The following CCDC181 variants were observed in gnomAD, a reference collection of about 807,000 sequenced individuals.
The protein encoded by CCDC181 is coiled-coil domain containing 181, also known as coiled-coil domain-containing protein 181.
Under a neutral mutation model 58.7 loss-of-function variants are expected in CCDC181, and 35 were observed. The ratio of observed to expected loss-of-function variants is 0.60; its 90% CI spans 0.46 to 0.79. The LOEUF (loss-of-function observed/expected upper bound fraction) is 0.79, where lower values mean the gene tolerates loss of function less well. Among genes scored for constraint, CCDC181 ranks in the 30% least tolerant of loss-of-function variants. The pLI is 0.00. For synonymous variants in CCDC181, 183 were observed against 197.5 expected (o/e 0.93, Z 0.62); for missense variants, 517 against 583.9 (o/e 0.89, Z 1.18).
rs145705498 is a variant in CCDC181, at chr1:169,419,483, A to G, written c.1069-324T>C. Among the ~76,000 whole-genome samples, 45 of 152,302 alleles carry G rather than the reference A, an allele frequency of 3.0e-4. No homozygotes were observed. In the East Asian group the frequency reaches 8.1e-3, roughly 27 times the overall value. On this transcript the variant is annotated intron_variant, in intron 3 of 5. Transcript: ENST00000367806. ...AGTAAAATTTTCTTCAAATAATGGA[A>G]TTCTAAGTGTTTTCCTTACATTTTG...
chr1:169,404,006 A>G (rs925257808), intron 4 of CCDC181, among the ~76,000 whole-genome samples: 2 of 152,214 alleles, frequency 1.3e-5, no homozygotes, highest in Non-Finnish European at 2.9e-5. Context: ...CAGAAATACA[A>G]ACTACCATCA....
intron 2 of CCDC181, among the ~76,000 whole-genome samples, chr1:169,434,937 T>C (rs1264486245): frequency 6.6e-6 from 1 of 152,080 alleles, no homozygotes; most frequent in Non-Finnish European, 1.5e-5. Flanking sequence ...CAGAGCCTGT[T>C]AAGGCAGGGG....
At chr1:169,451,701 G>T (rs1422308418) in intron 2 of CCDC181, among the ~76,000 whole-genome samples, 1 of 146,980 alleles carries the variant, frequency 6.8e-6, no homozygotes, top group Non-Finnish European at 1.5e-5. Flanking sequence ...ACATCACAAA[G>T]AATTACACAA....
At chr1:169,440,267 C>T (rs770446185) in intron 2 of CCDC181, among the ~76,000 whole-genome samples, 30 of 152,344 alleles carry the variant, frequency 2.0e-4, no homozygotes, top group Non-Finnish European at 7.3e-5. Context: ...CTGGATCCAT[C>T]GCTGGAGGCG....
chr1:169,400,135 G>A (rs1318135075), intron 4 of CCDC181, among the ~76,000 whole-genome samples: 2 of 152,144 alleles, frequency 1.3e-5, no homozygotes, highest in African/African-American at 4.8e-5. Context: ...TGGAGACATT[G>A]GAGTTCCAAT....
At chr1:169,450,879 C>T (rs556974833) in intron 2 of CCDC181, among the ~76,000 whole-genome samples, 11 of 152,218 alleles carry the variant, frequency 7.2e-5, no homozygotes, top group Admixed American at 4.6e-4. Context: ...TTGCTTTTCC[C>T]GAATGACAAA....
At chr1:169,418,830 T>A in intron 4 of CCDC181, 183 bp downstream of exon 4, 1 of 522,688 alleles carries the variant, frequency 1.9e-6, no homozygotes, top group Non-Finnish European at 3.4e-6. Flanking sequence ...ATCATTTTAT[T>A]TTCACAAGAC....
intron 2 of CCDC181, among the ~76,000 whole-genome samples, chr1:169,458,169 A>ATT (rs1397141241): frequency 1.7e-4 from 19 of 110,136 alleles, no homozygotes; most frequent in East Asian, 7.8e-4. Flanking sequence ...GGCAAAAGTA[A>ATT]TTTTTGTTTT....
upstream of CCDC181, among the ~76,000 whole-genome samples, chr1:169,432,320 TAAAAG>T (rs968166272): frequency 6.6e-6 from 1 of 152,004 alleles, no homozygotes; most frequent in African/African-American, 2.4e-5. Context: ...ATTAAAAAGT[TAAAAG>T]TGAAGAGAGC....
chr1:169,402,180 T>C (rs1000905962), intron 4 of CCDC181, among the ~76,000 whole-genome samples: 8 of 152,150 alleles, frequency 5.3e-5, no homozygotes, highest in African/African-American at 1.7e-4. Context: ...CTACGTCTGA[T>C]TGGTGTACCT....
chr1:169,408,855 G>T lies in CCDC181; in HGVS notation c.1215+10158C>A, dbSNP rs1181858538. On this transcript the variant is annotated intron_variant, in intron 4 of 5. Coordinates refer to ENST00000367806, the MANE Select transcript of CCDC181 (RefSeq NM_001300969.2). ...GAATAGCATCAACATCAACAAAAAG[G>T]ATATCCACACAAAAACCCCATCCAA... Among the ~76,000 whole-genome samples the T allele has an allele frequency of 2.0e-5, 3 of 152,266 alleles. No homozygotes were observed. In the East Asian group the frequency reaches 5.8e-4, roughly 29 times the overall value.
intron 2 of CCDC181, among the ~76,000 whole-genome samples, chr1:169,423,060 A>ATT (rs986276212): frequency 1.0e-3 from 112 of 107,458 alleles, no homozygotes; most frequent in African/African-American, 7.2e-4. Context: ...GTATATAAAT[A>ATT]TTTTATATAT....
In CCDC181 at chr1:169,437,052, C is replaced by T. The variant is rs189191554; in HGVS notation, c.-23-12102G>A. 3.9e-5 allele frequency among the ~76,000 whole-genome samples: 6 copies of T among 152,004 alleles called. No individual in the cohort carries two copies. The East Asian group carries it at 9.7e-4, about 24-fold the overall frequency. The stretch of plus-strand genomic sequence containing the variant: ...TATTACTCAAATCAGTCTCCCCAAG[C>T]GTTCAGGGATCAGAGTTTTTAAGGA... On this transcript the variant is annotated intron_variant, in intron 2 of 6. Transcript: ENST00000545005.
chr1:169,437,095 GT>G (rs907314633), intron 2 of CCDC181, among the ~76,000 whole-genome samples: 3 of 152,096 alleles, frequency 2.0e-5, no homozygotes, highest in African/African-American at 7.2e-5. Context: ...GTGGGTGGGG[GT>G]AAGCCAGTGA....
At chr1:169,404,511 C>G (rs1353836268) in intron 4 of CCDC181, among the ~76,000 whole-genome samples, 1 of 152,128 alleles carries the variant, frequency 6.6e-6, no homozygotes, top group East Asian at 1.9e-4. Context: ...TCAACGTATG[C>G]AAATCAATAA....
intron 5 of CCDC181, among the ~76,000 whole-genome samples, chr1:169,395,468 A>C (rs931130857): frequency 8.5e-5 from 13 of 152,196 alleles, no homozygotes; most frequent in African/African-American, 2.9e-4. Flanking sequence ...TTTTAATAAT[A>C]AACACTATTT....
chr1:169,416,410 T>G (rs1656217725), intron 4 of CCDC181, among the ~76,000 whole-genome samples: 1 of 152,186 alleles, frequency 6.6e-6, no homozygotes, highest in Non-Finnish European at 1.5e-5. Flanking sequence ...TGAGCCCCCC[T>G]GCTTCTAGTC....
upstream of CCDC181, among the ~76,000 whole-genome samples, chr1:169,430,883 C>T (rs1358196989): frequency 2.0e-5 from 3 of 152,022 alleles, no homozygotes; most frequent in Non-Finnish European, 2.9e-5. Context: ...AGTGGTGGCC[C>T]GCAATCAGTC....
At chr1:169,414,598 G>A (rs990631175) in intron 4 of CCDC181, among the ~76,000 whole-genome samples, 2 of 152,066 alleles carry the variant, frequency 1.3e-5, no homozygotes, top group African/African-American at 4.8e-5. Context: ...ATATATCACT[G>A]AGCAAGAGAA....
Sources: gnomAD v4.1 joint callset for allele counts (sites outside exome capture counted in the v4.1 genomes callset) on GRCh38, gnomAD v4.1.1 for gene constraint, MANE v1.5 for transcripts, NCBI Gene and HGNC (gene_info 2026-07-23, HGNC 2026-07-21) for gene names.